The following TCAF1 variants were observed in gnomAD, a reference collection of about 807,000 sequenced individuals.
TCAF1 encodes the protein TRPM8 channel-associated factor 1.
In TCAF1, 4 loss-of-function variants were observed where a neutral mutation model predicts 27.3. The ratio of observed to expected loss-of-function variants is 0.15; its 90% CI spans 0.07 to 0.34. The LOEUF (loss-of-function observed/expected upper bound fraction) is 0.34, where lower values mean the gene tolerates loss of function less well. TCAF1 is among the 10% of genes least tolerant of loss of function. The pLI is 1.00. For missense variants in TCAF1, 257 were observed against 425.8 expected, an observed-to-expected ratio of 0.60 and a Z score of 3.49; for synonymous variants, 105 against 167.1, an observed-to-expected ratio of 0.63 and a Z score of 2.87.
chr7:143,876,481 T>G lies in TCAF1; in HGVS notation c.128A>C (p.Asp43Ala), dbSNP rs758106387. Residue 43 changes from aspartate to alanine, a missense_variant, in exon 2 of 9, where the codon GAC (aspartate) becomes GCC (alanine). Physicochemically the swap from Asp to Ala is moderately radical, Grantham distance 126 (BLOSUM62 -2). Transcript: ENST00000479870. ...GGCAGCAATGAGGACCTGGCCCATG[T>G]CATTCACCATCACAGGAAATGAAGC... is the stretch of plus-strand genomic sequence containing the variant. Reference protein sequence around the residue: ...GEASFPVMVNDMGQVLIAASS... With the variant: ...GEASFPVMVNAMGQVLIAASS... The G allele has an allele frequency of 2.1e-5, 33 of 1,595,896 alleles. No individual in the cohort carries two copies. The highest frequency in any genetic ancestry group is 2.7e-5 in the African/African-American group (2 of 74,188).
In TCAF1 at chr7:143,885,481, T is replaced by C. The variant is rs973527518; in HGVS notation, c.-14-8859A>G. ...CTTTGTGTCAGTTTCTACCCCAAGATGCCGCCCCAGATCCGGGATGGAGAC... is the reference window on the plus strand; with the variant it reads ...CTTTGTGTCAGTTTCTACCCCAAGACGCCGCCCCAGATCCGGGATGGAGAC... On this transcript the variant is annotated intron_variant, in intron 1 of 8. Coordinates refer to ENST00000479870, the MANE Select transcript of TCAF1 (RefSeq NM_014719.3). The C allele has an allele frequency of 1.4e-4, 140 of 985,232 alleles. 1 individual carries two copies. Among genetic ancestry groups the C allele is most frequent in the Non-Finnish European group, 3.4e-5 (28 of 829,924 alleles). The allele number at this position is 985,232 out of a possible 1,614,324, so 61.0% of individuals were successfully genotyped here.
rs558900746 is a variant in TCAF1, at chr7:143,894,199, TA to T, written c.-15+7761del. ...CAGAAAATATAAATAATCCTATACA[TA>T]AAAAAAATGCAGTCCAAAATCAAAA... On this transcript the variant is annotated intron_variant, in intron 1 of 8. Coordinates refer to ENST00000479870, the MANE Select transcript of TCAF1 (RefSeq NM_014719.3). Among the ~76,000 whole-genome samples, 248 of 151,604 alleles carry T rather than the reference TA, an allele frequency of 1.6e-3. 1 individual carries two copies. Among genetic ancestry groups the T allele is most frequent in the South Asian group, 3.9e-3 (19 of 4,828 alleles).
intron 2 of TCAF1, among the ~76,000 whole-genome samples, chr7:143,874,500 C>A (rs539805748): frequency 8.2e-6 from 1 of 121,592 alleles, no homozygotes; most frequent in South Asian, 3.2e-4. Context: ...AGGGTATTTT[C>A]AAACCAAATT....
At chr7:143,890,598 A>G (rs1813597563) in intron 1 of TCAF1, among the ~76,000 whole-genome samples, 1 of 152,270 alleles carries the variant, frequency 6.6e-6, no homozygotes, top group African/African-American at 2.4e-5. Flanking sequence ...CAAAAGGACT[A>G]TAATCCTTGA....
intron 1 of TCAF1, among the ~76,000 whole-genome samples, chr7:143,898,155 A>T (rs371156435): frequency 6.6e-6 from 1 of 152,136 alleles, no homozygotes; most frequent in African/African-American, 2.4e-5. Context: ...AAAAACATCC[A>T]TTTATAATAA....
intron 1 of TCAF1, among the ~76,000 whole-genome samples, chr7:143,879,350 G>A (rs1478170142): frequency 6.6e-6 from 1 of 152,178 alleles, no homozygotes; most frequent in Non-Finnish European, 1.5e-5. Context: ...AGGAGAAAGT[G>A]GAGGAGGAGA....
chr7:143,896,777 G>C (rs1053341739), intron 1 of TCAF1, among the ~76,000 whole-genome samples: 3 of 151,728 alleles, frequency 2.0e-5, no homozygotes, highest in Non-Finnish European at 4.4e-5. Context: ...ATCAAAACTT[G>C]TCAGATGTAG....
At chr7:143,888,730 G>A (rs1813524749) in intron 1 of TCAF1, among the ~76,000 whole-genome samples, 2 of 152,164 alleles carry the variant, frequency 1.3e-5, no homozygotes, top group African/African-American at 4.8e-5. Context: ...AATGTATCTA[G>A]AAATAATTTC....
intron 1 of TCAF1, among the ~76,000 whole-genome samples, chr7:143,895,569 A>T (rs886283145): frequency 9.9e-5 from 15 of 151,764 alleles, no homozygotes; most frequent in African/African-American, 3.6e-4. Context: ...GACCATATAC[A>T]TATATAAAAT....
chr7:143,897,146 A>G (rs1586802920), intron 1 of TCAF1, among the ~76,000 whole-genome samples: 1 of 74,578 alleles, frequency 1.3e-5, no homozygotes, highest in Non-Finnish European at 2.4e-5. Flanking sequence ...ATATATATAT[A>G]TATATATATA....
At chr7:143,896,166 C>G (rs1337805618) in intron 1 of TCAF1, among the ~76,000 whole-genome samples, 1 of 151,456 alleles carries the variant, frequency 6.6e-6, no homozygotes, top group Non-Finnish European at 1.5e-5. Flanking sequence ...GAGTTAGAGT[C>G]AAACGATAAA....
intron 2 of TCAF1, 146 bp downstream of exon 2, chr7:143,875,843 C>T (rs1812665050): frequency 4.7e-6 from 3 of 635,610 alleles, no homozygotes; most frequent in Non-Finnish European, 5.2e-6. Flanking sequence ...TGTCTCAGGG[C>T]ATTTAAAAAA....
rs972903456 is a variant in TCAF1 at position 143,882,819 on chromosome 7, C to G, written c.-14-6197G>C. 3.0e-6 allele frequency: 3 copies of G among 985,570 alleles called. No homozygotes were observed. In the African/African-American group the frequency reaches 5.2e-5, roughly 17 times the overall value. 61.1% of individuals were successfully genotyped at this position (985,570 alleles called of 1,614,324 possible). On this transcript the variant is annotated intron_variant, in intron 1 of 8. Transcript: ENST00000479870. ...AGGAATGCACAGGGAAGAGGCTTCC[C>G]TGTACCAGTGACTGGGCGACCGAGC...
intron 1 of TCAF1, among the ~76,000 whole-genome samples, chr7:143,898,912 T>C (rs1478362132): frequency 1.3e-5 from 2 of 152,190 alleles, no homozygotes; most frequent in African/African-American, 2.4e-5. Context: ...GAGTTCATTA[T>C]AAAAGGCGGC....
At chr7:143,899,422 T>C (rs1814023523) in intron 1 of TCAF1, among the ~76,000 whole-genome samples, 3 of 152,216 alleles carry the variant, frequency 2.0e-5, no homozygotes, top group Admixed American at 6.5e-5. Flanking sequence ...GAAATCCTGA[T>C]TCATGCAAAT....
chr7:143,876,240 C>A lies in TCAF1; in HGVS notation c.369G>T (p.Gly123=), dbSNP rs780596712. The change falls in exon 2 of 9, where the codon GGG becomes GGT. Residue 123 remains glycine, a synonymous_variant. Coordinates refer to ENST00000479870, the MANE Select transcript of TCAF1 (RefSeq NM_014719.3). ...CATTGTAGGCATCAATACAGTAAAC[C>A]CCCAGGGAGTCTTTCACTTCTGGCT... ...KVEPEVKDSL[G]VYCIDAYNET... 3.9e-5 allele frequency: 63 copies of A among 1,614,046 alleles called. No homozygotes were observed. The highest frequency in any genetic ancestry group is 5.3e-5 in the Non-Finnish European group (62 of 1,180,038).
intron 1 of TCAF1, among the ~76,000 whole-genome samples, chr7:143,896,128 T>C (rs1021855439): frequency 1.3e-5 from 2 of 151,802 alleles, no homozygotes; most frequent in Non-Finnish European, 3.0e-5. Context: ...ATAAGTTTAC[T>C]ACATATATAT....
intron 1 of TCAF1, among the ~76,000 whole-genome samples, chr7:143,888,352 A>G (rs1006162742): frequency 3.9e-5 from 6 of 152,184 alleles, no homozygotes; most frequent in African/African-American, 1.4e-4. Flanking sequence ...GAGTGACTCT[A>G]TGGGGTTTCC....
chr7:143,866,592 G>T (rs150613683), intron 2 of TCAF1, among the ~76,000 whole-genome samples: 21,865 of 139,640 alleles, frequency 0.16, 12 homozygotes, highest in East Asian at 0.31. Context: ...ATAAACATTT[G>T]TCTTTTCTAA....
Sources: gnomAD v4.1 joint callset for allele counts (sites outside exome capture counted in the v4.1 genomes callset) on GRCh38, gnomAD v4.1.1 for gene constraint, MANE v1.5 for transcripts, NCBI Gene and HGNC (gene_info 2026-07-23, HGNC 2026-07-21) for gene names.